The following PBX1 variants were observed in gnomAD, a reference collection of about 807,000 sequenced individuals.
The protein encoded by PBX1 is PBX homeobox 1.
Under a neutral mutation model 53.4 loss-of-function variants are expected in PBX1, and 6 were observed. That is an observed-to-expected ratio of 0.11 (90% CI 0.06 to 0.22). The LOEUF is 0.22. Ranked by LOEUF, PBX1 falls within the 10% of genes least tolerant of loss-of-function variation. The probability of loss-of-function intolerance (pLI) is 1.00; values close to 1 mark genes in which losing one functional copy is unlikely to be tolerated. For missense variants in PBX1, 251 were observed against 551.4 expected, an observed-to-expected ratio of 0.46 and a Z score of 5.46; for synonymous variants, 204 against 212.3, an observed-to-expected ratio of 0.96 and a Z score of 0.34.
At chr1:164,826,247 T>C (rs774961004) in intron 8 of PBX1, among the ~76,000 whole-genome samples, 24 of 152,242 alleles carry the variant, frequency 1.6e-4, no homozygotes, top group South Asian at 4.2e-4. Flanking sequence ...TAGTAACTTC[T>C]ATTCTTTCTA....
Position 164,846,963 on chromosome 1 carries a change from C to T in PBX1, c.*287C>T. ...TGCCCCTGTGCCTCTGTCCTAGACT[C>T]CCGGGGTCCCCGCCCTCTCTCATAT... On this transcript the variant is annotated 3_prime_UTR_variant, in exon 9 of 9. Transcript: ENST00000420696. 1 of 1,258,760 alleles carries T rather than the reference C, an allele frequency of 7.9e-7. No homozygotes were observed. The highest frequency in any genetic ancestry group is 1.0e-6 in the Non-Finnish European group (1 of 995,822). The allele number at this position is 1,258,760 out of a possible 1,614,324, so 78.0% of individuals were successfully genotyped here.
intron 2 of PBX1, chr1:164,683,331 A>T (rs1661900464): frequency 6.6e-6 from 1 of 152,224 alleles, no homozygotes; most frequent in South Asian, 2.1e-4. Context: ...AAGTGTCTAA[A>T]ATAAGACTTT....
At chr1:164,788,519 T>G (rs1668313877) in intron 2 of PBX1, among the ~76,000 whole-genome samples, 1 of 152,042 alleles carries the variant, frequency 6.6e-6, no homozygotes, top group Non-Finnish European at 1.5e-5. Context: ...TGTTTATTGG[T>G]CCATCCCTGT....
At chr1:164,809,340 T>C (rs1435809054) in intron 5 of PBX1, among the ~76,000 whole-genome samples, 3 of 152,176 alleles carry the variant, frequency 2.0e-5, no homozygotes, top group African/African-American at 7.2e-5. Context: ...TTAAAATCCT[T>C]ATTTACATAT....
At chr1:164,857,360 C>T (rs1310650084) in intron 2 of PBX1, among the ~76,000 whole-genome samples, 1 of 152,114 alleles carries the variant, frequency 6.6e-6, no homozygotes, top group African/African-American at 2.4e-5. Context: ...AGCACAGGAG[C>T]CTCTAACCCC....
intron 2 of PBX1, among the ~76,000 whole-genome samples, chr1:164,866,750 A>T (rs73030713): frequency 0.013 from 1,960 of 152,326 alleles, 47 homozygotes; most frequent in African/African-American, 0.044. Context: ...ATTAAGCCAG[A>T]TAACTATACT....
At chr1:164,777,889 T>C (rs1326159093) in intron 2 of PBX1, among the ~76,000 whole-genome samples, 2 of 152,244 alleles carry the variant, frequency 1.3e-5, no homozygotes, top group Non-Finnish European at 2.9e-5. Flanking sequence ...GCTAGTTTAC[T>C]TTAGGCTGAA....
chr1:164,615,428 T>A (rs1657214779), intron 2 of PBX1, among the ~76,000 whole-genome samples: 1 of 152,178 alleles, frequency 6.6e-6, no homozygotes, highest in South Asian at 2.1e-4. Context: ...ATTCTTTTTT[T>A]TAGAATAATT....
At chr1:164,876,346 G>A (rs1672510750) in intron 2 of PBX1, among the ~76,000 whole-genome samples, 1 of 151,494 alleles carries the variant, frequency 6.6e-6, no homozygotes, top group Non-Finnish European at 1.5e-5. Context: ...TCTGCTAGGA[G>A]GCCGGGCCTC....
intron 2 of PBX1, among the ~76,000 whole-genome samples, chr1:164,882,846 TATGC>T (rs1672693339): frequency 6.6e-6 from 1 of 152,120 alleles, no homozygotes; most frequent in Admixed American, 6.6e-5. Context: ...TGATACATGC[TATGC>T]TATGCTATGC....
At chr1:164,716,814 C>A (rs1456541129) in intron 2 of PBX1, among the ~76,000 whole-genome samples, 2 of 151,658 alleles carry the variant, frequency 1.3e-5, no homozygotes, top group Non-Finnish European at 2.9e-5. Flanking sequence ...TCTTACAAGA[C>A]CTAAAAATCA....
intron 2 of PBX1, among the ~76,000 whole-genome samples, chr1:164,597,069 C>T (rs1655816648): frequency 6.6e-6 from 1 of 152,188 alleles, no homozygotes; most frequent in African/African-American, 2.4e-5. Flanking sequence ...GATCCTGTTC[C>T]AGGATCTACA....
chr1:164,839,872 T>G (rs1390281533), intron 8 of PBX1, among the ~76,000 whole-genome samples: 2 of 151,942 alleles, frequency 1.3e-5, no homozygotes, highest in Non-Finnish European at 2.9e-5. Flanking sequence ...GGCATTGATA[T>G]GAAGCCACCA....
At chr1:164,686,180 C>T (rs1662081536) in intron 2 of PBX1, among the ~76,000 whole-genome samples, 1 of 152,198 alleles carries the variant, frequency 6.6e-6, no homozygotes, top group South Asian at 2.1e-4. Flanking sequence ...AGTAGGTGCT[C>T]ACTAAATGAT....
intron 2 of PBX1, among the ~76,000 whole-genome samples, chr1:164,578,873 CT>C (rs998261679): frequency 6.6e-6 from 1 of 152,166 alleles, no homozygotes; most frequent in African/African-American, 2.4e-5. Flanking sequence ...CTGTAACCTC[CT>C]TTATTTCCTT....
intron 2 of PBX1, among the ~76,000 whole-genome samples, chr1:164,691,856 G>A (rs550475333): frequency 1.3e-5 from 2 of 152,236 alleles, no homozygotes; most frequent in African/African-American, 4.8e-5. Context: ...TGCCACAAGT[G>A]GAAAATTCTG....
chr1:164,685,112 A>G (rs1430735315), intron 2 of PBX1: 1 of 152,150 alleles, frequency 6.6e-6, no homozygotes, highest in Non-Finnish European at 1.5e-5. Context: ...GATCTGACCA[A>G]GACGCGGGCC....
intron 2 of PBX1, among the ~76,000 whole-genome samples, chr1:164,732,122 A>G (rs1057311067): frequency 1.3e-5 from 2 of 152,184 alleles, no homozygotes; most frequent in Non-Finnish European, 2.9e-5. Flanking sequence ...CTCTGGTGCT[A>G]CACTGTTGGC....
intron 2 of PBX1, among the ~76,000 whole-genome samples, chr1:164,786,714 T>TGCGC (rs1483376318): frequency 5.0e-4 from 57 of 113,462 alleles, no homozygotes; most frequent in East Asian, 2.3e-3. Context: ...TGTGTGTGTG[T>TGCGC]GTGTGTGCGC....
Sources: gnomAD v4.1 joint callset for allele counts (sites outside exome capture counted in the v4.1 genomes callset) on GRCh38, gnomAD v4.1.1 for gene constraint, MANE v1.5 for transcripts, NCBI Gene and HGNC (gene_info 2026-07-23, HGNC 2026-07-21) for gene names.